Variants in LAMB4 observed in about 807,000 individuals in gnomAD.
LAMB4 encodes laminin subunit beta-4.
A neutral mutation model predicts 199.2 loss-of-function variants in LAMB4; 196 were observed. The ratio of observed to expected loss-of-function variants is 0.98; its 90% CI spans 0.88 to 1.11. The LOEUF is 1.11. Among genes scored for constraint, LAMB4 ranks in the 50% least tolerant of loss-of-function variants. The pLI is 0.00. For synonymous variants in LAMB4, 744 were observed against 770.6 expected, an observed-to-expected ratio of 0.97 and a Z score of 0.57; for missense variants, 2,080 against 2,171.2, an observed-to-expected ratio of 0.96 and a Z score of 0.83.
intron 22 of LAMB4, 72 bp downstream of exon 22, chr7:108,063,689 G>A: frequency 1.5e-6 from 2 of 1,311,848 alleles, no homozygotes; most frequent in Non-Finnish European, 2.2e-6. Flanking sequence ...AATGATCATG[G>A]GAGAGCTGAC....
chr7:108,049,650 A>G, intron 26 of LAMB4, 119 bp from the exon 27 acceptor site: 1 of 562,178 alleles, frequency 1.8e-6, no homozygotes. Context: ...TATCACCATA[A>G]AATTTCAACA....
rs1437212149 is a variant in LAMB4, at chr7:108,109,174, A to G, written c.399T>C (p.Phe133=). 6.2e-7 allele frequency: 1 copy of G among 1,608,506 alleles called. No homozygotes were observed. Among genetic ancestry groups the G allele is most frequent in the East Asian group, 2.2e-5 (1 of 44,852 alleles). ...LFRFSHLILT[F]KTFRPAAMLV... is the part of the protein sequence containing the mutation. ...CAGCAGGCCTATTAGTCTGTACCTT[A>G]AAGGTCAGGATAAGGTGGCTGAACC... is the stretch of plus-strand genomic sequence containing the variant. Residue 133 remains phenylalanine, a synonymous_variant, in exon 5 of 34, where the codon TTT becomes TTC. Coordinates refer to ENST00000388781, the MANE Select transcript of LAMB4 (RefSeq NM_007356.3).
rs139984200 is a variant in LAMB4, at chr7:108,119,775, G to A, written c.34+3356C>T. The stretch of plus-strand genomic sequence containing the variant: ...GCACACATGAGTACATGTATAACTG[G>A]TGAAATCTGAATAAGGCCTGTGAAT... On this transcript the variant is annotated intron_variant, in intron 2 of 33. Coordinates refer to ENST00000388781, the MANE Select transcript of LAMB4 (RefSeq NM_007356.3). 3.2e-3 allele frequency among the ~76,000 whole-genome samples: 480 copies of A among 152,216 alleles called. 14 individuals are homozygous for A. The highest frequency in any genetic ancestry group is 0.026 in the Admixed American group (391 of 15,286).
chr7:108,047,902 A>G lies in LAMB4; in HGVS notation c.4326+6T>C. 2 of 1,608,090 alleles carry G rather than the reference A, an allele frequency of 1.2e-6. No individual in the cohort carries two copies. The highest frequency in any genetic ancestry group is 1.1e-5 in the South Asian group (1 of 90,930). ...CTTTACAAATAAAGCAAGAGAAGAT[A>G]TTTACCTGATTTTTCAACCCACGAA... is the stretch of plus-strand genomic sequence containing the variant. On this transcript the variant is annotated splice_donor_region_variant and intron_variant, in intron 28 of 33. Coordinates refer to ENST00000388781, the MANE Select transcript of LAMB4 (RefSeq NM_007356.3).
chr7:108,104,380 G>A (rs1409247941), intron 9 of LAMB4, 119 bp downstream of exon 9: 10 of 1,171,894 alleles, frequency 8.5e-6, no homozygotes, highest in Non-Finnish European at 1.2e-5. Flanking sequence ...CACTATAGGA[G>A]CTGGGAGGAC....
Position 108,103,033 on chromosome 7 carries a change from C to T in LAMB4, c.1180+11G>A, listed in dbSNP as rs780430400. ...ACAGTGGGTAGGATCCAGGCAGACCCGGGGACTCACGAATGCACGCGTAGG... is the reference window on the plus strand; with the variant it reads ...ACAGTGGGTAGGATCCAGGCAGACCTGGGGACTCACGAATGCACGCGTAGG... On this transcript the variant is annotated intron_variant, in intron 10 of 33. Transcript: ENST00000388781. 2 of 1,562,828 alleles carry T rather than the reference C, an allele frequency of 1.3e-6. No homozygotes were observed. The highest frequency in any genetic ancestry group is 8.7e-7 in the Non-Finnish European group (1 of 1,144,964).
Position 108,111,864 on chromosome 7 carries a change from A to G in LAMB4, c.275T>C (p.Val92Ala). 1 of 1,611,992 alleles carries G rather than the reference A, an allele frequency of 6.2e-7. No individual in the cohort carries two copies. Among genetic ancestry groups the G allele is most frequent in the South Asian group, 1.1e-5 (1 of 90,470 alleles). Reference protein sequence around the residue: ...DQPNSHTIENVIVSFEPDREK... With the variant: ...DQPNSHTIENAIVSFEPDREK... Reference sequence around the variant, plus strand: ...TCTGTCTGGTTCAAAACTTACAATGACATTCTCAATGGTGTGGCTGTTGGG... The same window carrying G: ...TCTGTCTGGTTCAAAACTTACAATGGCATTCTCAATGGTGTGGCTGTTGGG... The change falls in exon 4 of 34, where the codon GTC becomes GCC. Residue 92 changes from valine (V) to alanine (A), a missense_variant. Coordinates refer to ENST00000388781, the MANE Select transcript of LAMB4 (RefSeq NM_007356.3).
intron 27 of LAMB4, among the ~76,000 whole-genome samples, 189 bp from the exon 28 acceptor site, chr7:108,048,300 G>A (rs2035710304): frequency 6.6e-6 from 1 of 152,014 alleles, no homozygotes; most frequent in South Asian, 2.1e-4. Flanking sequence ...AAGTAGCTGG[G>A]ATTACAGGCA....
At position 108,075,839 on chromosome 7, in the gene LAMB4, A is replaced by C. The variant is rs146343272; in HGVS notation, c.2124+1105T>G. On this transcript the variant is annotated intron_variant, in intron 17 of 33. Coordinates refer to ENST00000388781, the MANE Select transcript of LAMB4 (RefSeq NM_007356.3). ...GCCAGGTGTGGTGGCGGGTGCCTGTAATCCCAGCTACTCGGGAAGCTGAAG... is the reference window on the plus strand; with the variant it reads ...GCCAGGTGTGGTGGCGGGTGCCTGTCATCCCAGCTACTCGGGAAGCTGAAG... 6.3e-3 allele frequency: 1,010 copies of C among 159,378 alleles called. 9 individuals are homozygous for C. Among genetic ancestry groups the C allele is most frequent in the African/African-American group, 0.023 (953 of 41,672 alleles). 9.9% of individuals were successfully genotyped at this position (159,378 alleles called of 1,614,324 possible). A position where few individuals can be genotyped will look rare whatever the true frequency, so the allele number is the denominator to read the frequency against.
Position 108,106,011 on chromosome 7 carries a change from G to C in LAMB4, c.676C>G (p.Leu226Val), listed in dbSNP as rs1584763799. 6.2e-7 allele frequency: 1 copy of C among 1,613,844 alleles called. No homozygotes were observed. Residue 226 changes from leucine (L) to valine (V), a missense_variant, in exon 8 of 34, where the codon CTG (leucine) becomes GTG (valine). Transcript: ENST00000388781. ...YIQDLVTLTNLRINFTKLHTL... is the reference protein window; with the variant it reads ...YIQDLVTLTNVRINFTKLHTL... Reference sequence around the variant, plus strand: ...TGGAGCTTGGTAAAGTTTATCCTCAGGTTTGTCAATGTCACAAGGTCTAAA... The same window carrying C: ...TGGAGCTTGGTAAAGTTTATCCTCACGTTTGTCAATGTCACAAGGTCTAAA...
rs773119027 is a variant in LAMB4, at chr7:108,057,841, G to A, written c.3370C>T (p.Arg1124Ter). The change falls in exon 24 of 34, where the codon CGA becomes TGA. Residue 1124 changes from arginine (R) to a stop codon, truncating the protein, a stop_gained. Transcript: ENST00000388781. LOFTEE classifies it high-confidence loss of function. The stretch of plus-strand genomic sequence containing the variant: ...AAATCCCAATACTTACGAATGCATC[G>A]CCCAGGTGGATCACCATAATAATTT... ...QENYYGDPPG[R>*]CIPCDCNRAG... 2.5e-5 allele frequency: 41 copies of A among 1,608,596 alleles called. No individual in the cohort carries two copies. Among genetic ancestry groups the A allele is most frequent in the East Asian group, 4.5e-5 (2 of 44,860 alleles).
At chr7:108,038,369 G>GC (rs1224948014) in intron 29 of LAMB4, among the ~76,000 whole-genome samples, 2 of 152,104 alleles carry the variant, frequency 1.3e-5, no homozygotes, top group African/African-American at 4.8e-5. Context: ...CACCATGTTG[G>GC]CCAGGATGGT....
At chr7:108,042,955 G>T (rs1013167609) in intron 29 of LAMB4, among the ~76,000 whole-genome samples, 1 of 151,426 alleles carries the variant, frequency 6.6e-6, no homozygotes, top group Non-Finnish European at 1.5e-5. Flanking sequence ...GTGTGTGTGT[G>T]TGTGTGTGTG....
intron 29 of LAMB4, among the ~76,000 whole-genome samples, chr7:108,042,360 G>T (rs554723879): frequency 6.6e-6 from 1 of 151,670 alleles, no homozygotes; most frequent in African/African-American, 2.4e-5. Context: ...TATTAGAAAC[G>T]TATTCAGTAG....
chr7:108,048,442 A>G (rs2035718405), intron 27 of LAMB4, among the ~76,000 whole-genome samples: 1 of 152,100 alleles, frequency 6.6e-6, no homozygotes, highest in African/African-American at 2.4e-5. Context: ...CTGAGATTAC[A>G]GGCATGTGGC....
intron 10 of LAMB4, 75 bp downstream of exon 10, chr7:108,102,969 G>A (rs1199394679): frequency 1.5e-6 from 2 of 1,312,002 alleles, no homozygotes; most frequent in Non-Finnish European, 2.1e-6. Context: ...CAGATAAGGT[G>A]CGGGCAGCCC....
At chr7:108,015,356 T>C in the LAMB4 span, among the ~76,000 whole-genome samples, 2 of 152,200 alleles carry the variant, frequency 1.3e-5, no homozygotes, top group Non-Finnish European at 2.9e-5. Context: ...CAAACAGTGG[T>C]TTGGTTGTTA....
rs574826688 is a variant in LAMB4 at position 108,029,024 on chromosome 7, T to C, written c.5146+19A>G. ...TGATGTTATTATCAAATTGGCAGGA[T>C]GGATAAAAGAACAGATACCTGTTAT... On this transcript the variant is annotated intron_variant, in intron 33 of 33. Coordinates refer to ENST00000388781, the MANE Select transcript of LAMB4 (RefSeq NM_007356.3). 2.5e-6 allele frequency: 4 copies of C among 1,605,048 alleles called. No homozygotes were observed. Among genetic ancestry groups the C allele is most frequent in the South Asian group, 2.2e-5 (2 of 89,318 alleles).
chr7:108,069,983 A>G, intron 17 of LAMB4, 98 bp from the exon 18 acceptor site: 1 of 908,926 alleles, frequency 1.1e-6, no homozygotes, highest in South Asian at 2.1e-5. Flanking sequence ...ATAATGGTTC[A>G]AAGAAGACTC....
Sources: allele counts gnomAD v4.1 joint callset (sites outside exome capture counted in the v4.1 genomes callset), GRCh38; gene constraint gnomAD v4.1.1; transcripts MANE v1.5; gene names NCBI Gene and HGNC (gene_info 2026-07-23, HGNC 2026-07-21).